ACOXL: variants seen among roughly 807,000 people sequenced by gnomAD.
ACOXL encodes acyl-CoA oxidase like, also known as acyl-coenzyme A oxidase-like protein.
In ACOXL, 70 loss-of-function variants were observed where a neutral mutation model predicts 71.9. That is an observed-to-expected ratio of 0.97 (90% CI 0.80 to 1.19). The LOEUF (loss-of-function observed/expected upper bound fraction) is 1.19, where lower values mean the gene tolerates loss of function less well. Ranked by LOEUF, ACOXL falls within the 50% of genes most tolerant of loss-of-function variation. The pLI, the probability that ACOXL is intolerant of heterozygous loss-of-function variation, is 0.00. For synonymous variants in ACOXL, 253 were observed against 281.6 expected, an observed-to-expected ratio of 0.90 and a Z score of 1.02; for missense variants, 703 against 736.3, an observed-to-expected ratio of 0.95 and a Z score of 0.52.
chr2:110,874,058 C>A (rs1230432501), intron 10 of ACOXL, among the ~76,000 whole-genome samples: 1 of 152,214 alleles, frequency 6.6e-6, no homozygotes, highest in African/African-American at 2.4e-5. Flanking sequence ...GAAAACCCAC[C>A]CCAGAGCAAG....
intron 10 of ACOXL, among the ~76,000 whole-genome samples, chr2:110,860,493 T>C (rs1447422325): frequency 6.6e-6 from 1 of 152,150 alleles, no homozygotes; most frequent in Non-Finnish European, 1.5e-5. Flanking sequence ...GAGGCTGGGG[T>C]GTCTGTGCAT....
intron 1 of ACOXL, among the ~76,000 whole-genome samples, chr2:110,750,058 A>G (rs1678722866): frequency 6.6e-6 from 1 of 152,180 alleles, no homozygotes; most frequent in Admixed American, 6.5e-5. Flanking sequence ...TTCCATCGAC[A>G]TGGCTTATCC....
chr2:110,965,626 A>G (rs907745826), intron 12 of ACOXL, among the ~76,000 whole-genome samples: 3 of 152,224 alleles, frequency 2.0e-5, no homozygotes, highest in Non-Finnish European at 4.4e-5. Flanking sequence ...GAATGTGATC[A>G]TGATTTGGAG....
At chr2:110,746,226 A>G (rs543213540) in intron 1 of ACOXL, among the ~76,000 whole-genome samples, 1 of 152,200 alleles carries the variant, frequency 6.6e-6, no homozygotes, top group South Asian at 2.1e-4. Context: ...TCTTCATAAC[A>G]ATGCCTTTAC....
At chr2:110,881,321 A>G (rs9308690) in intron 10 of ACOXL, among the ~76,000 whole-genome samples, 48,926 of 151,856 alleles carry the variant, frequency 0.32, 8,142 homozygotes, top group Middle Eastern at 0.39. Flanking sequence ...TTCACTTGTG[A>G]AATTATTAAA....
intron 12 of ACOXL, among the ~76,000 whole-genome samples, chr2:110,973,029 A>G (rs1352872816): frequency 2.6e-5 from 4 of 152,242 alleles, no homozygotes; most frequent in South Asian, 4.1e-4. Flanking sequence ...CCCAAACCCA[A>G]GTTCCCAGAT....
chr2:110,774,867 T>C (rs1228877361), intron 2 of ACOXL, among the ~76,000 whole-genome samples: 2 of 152,180 alleles, frequency 1.3e-5, no homozygotes, highest in Non-Finnish European at 2.9e-5. Flanking sequence ...GCCAAAGCAA[T>C]CTTGGAAAAG....
intron 2 of ACOXL, among the ~76,000 whole-genome samples, chr2:110,782,989 G>A (rs1406649000): frequency 6.6e-6 from 1 of 152,172 alleles, no homozygotes; most frequent in African/African-American, 2.4e-5. Flanking sequence ...GAGGAAGGCT[G>A]GGCCACTCAG....
chr2:110,838,241 T>A (rs760045995), intron 9 of ACOXL, among the ~76,000 whole-genome samples: 1 of 152,250 alleles, frequency 6.6e-6, no homozygotes, highest in Non-Finnish European at 1.5e-5. Flanking sequence ...TGCGTGTGCA[T>A]GTCTGAATGT....
intron 9 of ACOXL, among the ~76,000 whole-genome samples, chr2:110,836,865 T>G (rs1678085796): frequency 6.6e-6 from 1 of 152,216 alleles, no homozygotes; most frequent in Non-Finnish European, 1.5e-5. Flanking sequence ...GACCCGGGTA[T>G]AAGCTTGGCA....
In ACOXL at chr2:110,841,393, G is replaced by A. The variant is rs1000136043; in HGVS notation, c.776G>A (p.Arg259His). 27 of 1,608,998 alleles carry A rather than the reference G, an allele frequency of 1.7e-5. 1 individual carries two copies. Among genetic ancestry groups the A allele is most frequent in the Admixed American group, 8.4e-5 (5 of 59,810 alleles). The change falls in exon 10 of 18, where the codon CGC becomes CAC. Residue 259 changes from arginine to histidine, a missense_variant. Arg to His is a conservative substitution (Grantham distance 29). Coordinates refer to ENST00000439055, the MANE Select transcript of ACOXL (RefSeq NM_001142807.4). ...AMKLGLTIAI[R>H]YSHSRRQFGP... ...CAGCTTGGGTTGACGATAGCCATTC[G>A]CTATAGCCACAGGTAAATGTTTACA...
chr2:110,905,278 A>G (rs1446302944), intron 10 of ACOXL, among the ~76,000 whole-genome samples: 2 of 152,132 alleles, frequency 1.3e-5, no homozygotes, highest in Non-Finnish European at 2.9e-5. Context: ...GCCACCAAAA[A>G]TGAGTCCAAT....
chr2:110,762,971 A>G (rs1680594567), intron 1 of ACOXL, among the ~76,000 whole-genome samples: 1 of 152,180 alleles, frequency 6.6e-6, no homozygotes, highest in African/African-American at 2.4e-5. Context: ...TGTTTGAAGT[A>G]TTTCTTCAAC....
At chr2:110,872,819 G>A (rs1695434926) in intron 10 of ACOXL, among the ~76,000 whole-genome samples, 1 of 152,228 alleles carries the variant, frequency 6.6e-6, no homozygotes, top group Non-Finnish European at 1.5e-5. Context: ...ATAGGGTCTA[G>A]AGGGAGGGGC....
chr2:111,076,777 AC>A (rs2067622421), intron 16 of ACOXL, among the ~76,000 whole-genome samples: 1 of 152,210 alleles, frequency 6.6e-6, no homozygotes, highest in Admixed American at 6.5e-5. Context: ...AATCGGTATC[AC>A]TGATCCAAAA....
chr2:110,947,168 T>C (rs1349299710), intron 12 of ACOXL, among the ~76,000 whole-genome samples: 1 of 152,242 alleles, frequency 6.6e-6, no homozygotes, highest in African/African-American at 2.4e-5. Flanking sequence ...GACGCAGGCC[T>C]GGCAGTTTCG....
At position 110,860,100 on chromosome 2, in the gene ACOXL, C is replaced by T. The variant is rs182555103; in HGVS notation, c.788+18695C>T. ...CCATTTGTGTGTGCTGTGGGGTTGT[C>T]GCCTAAATAGCCTTTTTGTTTTTGT... On this transcript the variant is annotated intron_variant, in intron 10 of 17. Coordinates refer to ENST00000439055, the MANE Select transcript of ACOXL (RefSeq NM_001142807.4). Among the ~76,000 whole-genome samples, 28 of 152,148 alleles carry T rather than the reference C, an allele frequency of 1.8e-4. No individual in the cohort carries two copies. In the East Asian group the frequency reaches 5.4e-3, roughly 29 times the overall value.
At chr2:110,947,236 C>T (rs754338722) in intron 12 of ACOXL, among the ~76,000 whole-genome samples, 10 of 152,332 alleles carry the variant, frequency 6.6e-5, no homozygotes, top group Non-Finnish European at 1.5e-4. Flanking sequence ...GTTCTTCAGA[C>T]TGTTGATATT....
chr2:111,045,492 G>A (rs978577726), intron 15 of ACOXL, among the ~76,000 whole-genome samples: 6 of 152,128 alleles, frequency 3.9e-5, no homozygotes, highest in Admixed American at 6.6e-5. Context: ...GCTTCGTGCC[G>A]CCACGTGAAG....
Sources: gnomAD v4.1 joint callset for allele counts (sites outside exome capture counted in the v4.1 genomes callset) on GRCh38, gnomAD v4.1.1 for gene constraint, MANE v1.5 for transcripts, NCBI Gene and HGNC (gene_info 2026-07-23, HGNC 2026-07-21) for gene names.